The following FRYL variants were observed in gnomAD, a reference collection of about 807,000 sequenced individuals.
FRYL encodes protein furry homolog-like.
A neutral mutation model predicts 351.2 loss-of-function variants in FRYL; 150 were observed. That is an observed-to-expected ratio of 0.43 (90% CI 0.37 to 0.49). The LOEUF (loss-of-function observed/expected upper bound fraction) is 0.49. Among genes scored for constraint, FRYL ranks in the 20% least tolerant of loss-of-function variants. The probability of loss-of-function intolerance (pLI) is 0.00; values close to 1 mark genes in which losing one functional copy is unlikely to be tolerated. For synonymous variants in FRYL, 1,153 were observed against 1,257.1 expected (o/e 0.92, Z 1.75); for missense variants, 3,036 against 3,619.3 (o/e 0.84, Z 4.13).
At chr4:48,646,821 G>A (rs1210718114) in intron 3 of FRYL, among the ~76,000 whole-genome samples, 4 of 152,130 alleles carry the variant, frequency 2.6e-5, no homozygotes, top group East Asian at 1.9e-4. Flanking sequence ...GAGGTCATAC[G>A]GCATCTAATT....
intron 50 of FRYL, among the ~76,000 whole-genome samples, chr4:48,529,515 A>G (rs1207368817): frequency 2.6e-5 from 4 of 152,232 alleles, no homozygotes; most frequent in African/African-American, 9.6e-5. Flanking sequence ...GCTATTATAC[A>G]TACATCTTGC....
intron 53 of FRYL, among the ~76,000 whole-genome samples, 199 bp downstream of exon 53, chr4:48,527,278 A>C (rs1726471975): frequency 6.6e-6 from 1 of 152,216 alleles, no homozygotes. Flanking sequence ...TTTTAAAGAT[A>C]AAGATGAAAA....
intron 3 of FRYL, among the ~76,000 whole-genome samples, chr4:48,644,220 G>A (rs533210870): frequency 9.2e-5 from 14 of 152,252 alleles, no homozygotes; most frequent in Admixed American, 7.2e-4. Flanking sequence ...GGGATTACAG[G>A]CATGAGCCAC....
intron 21 of FRYL, 132 bp from the exon 22 acceptor site, chr4:48,581,083 T>G: frequency 1.7e-6 from 1 of 585,562 alleles, no homozygotes. Context: ...TCTCGCTCTG[T>G]CACCCAGGCT....
chr4:48,713,629 G>T (rs558493849), intron 1 of FRYL, among the ~76,000 whole-genome samples: 1 of 152,010 alleles, frequency 6.6e-6, no homozygotes, highest in Non-Finnish European at 1.5e-5. Context: ...AGCAAGTCCT[G>T]AGTGACCTAC....
chr4:48,545,551 G>A (rs1316152784), intron 42 of FRYL, among the ~76,000 whole-genome samples: 2 of 152,112 alleles, frequency 1.3e-5, no homozygotes, highest in East Asian at 3.8e-4. Flanking sequence ...TATGGCCTGG[G>A]CTTCATGGCC....
chr4:48,613,489 T>G (rs1435593924), intron 7 of FRYL, among the ~76,000 whole-genome samples: 1 of 152,222 alleles, frequency 6.6e-6, no homozygotes, highest in Admixed American at 6.5e-5. Flanking sequence ...CCATGCTATG[T>G]GCTCTTTGTT....
rs1384841326 is a variant in FRYL, at chr4:48,528,207, G to A, written c.7033C>T (p.Pro2345Ser). 6.2e-7 allele frequency: 1 copy of A among 1,612,940 alleles called. No individual in the cohort carries two copies. Among genetic ancestry groups the A allele is most frequent in the Admixed American group, 1.7e-5 (1 of 59,942 alleles). The change falls in exon 51 of 64, where the codon CCT becomes TCT. Residue 2345 changes from proline to serine, a missense_variant. Coordinates refer to ENST00000358350, the MANE Select transcript of FRYL (RefSeq NM_015030.2). ...SSGSNSNALV[P>S]VSWKRPQLSQ... ...AACTGTGGCCTTTTCCAACTAACAG[G>A]AACCAAGGCATTAGAATTAGAACCA... is the stretch of plus-strand genomic sequence containing the variant.
In FRYL at chr4:48,525,448, T is replaced by C. The variant is rs567636424; in HGVS notation, c.7317+2029A>G. 2.8e-4 allele frequency among the ~76,000 whole-genome samples: 42 copies of C among 152,302 alleles called. No individual in the cohort carries two copies. In the South Asian group the frequency reaches 8.5e-3, roughly 31 times the overall value. On this transcript the variant is annotated intron_variant, in intron 53 of 63. Transcript: ENST00000358350. ...ACATCCTCACATCTGCAGGGGGCAC[T>C]GAGGCATGTTGAGGAGAGGGAACTT...
intron 3 of FRYL, among the ~76,000 whole-genome samples, chr4:48,647,143 T>C (rs1756665342): frequency 6.6e-6 from 1 of 152,016 alleles, no homozygotes; most frequent in South Asian, 2.1e-4. Flanking sequence ...CAAGAATGGG[T>C]AGCCGAGATA....
At chr4:48,581,749 A>G in intron 20 of FRYL, 144 bp from the exon 21 acceptor site, 1 of 641,622 alleles carries the variant, frequency 1.6e-6, no homozygotes. Context: ...CATGTATTTT[A>G]TAAAAATGGA....
intron 1 of FRYL, among the ~76,000 whole-genome samples, chr4:48,768,532 C>CA (rs1447674713): frequency 7.2e-5 from 11 of 152,156 alleles, no homozygotes; most frequent in Non-Finnish European, 7.3e-5. Flanking sequence ...CAGCCGGCTG[C>CA]AGTAGCTCAC....
chr4:48,559,811 A>C (rs1214949223), intron 33 of FRYL, among the ~76,000 whole-genome samples: 2 of 152,152 alleles, frequency 1.3e-5, no homozygotes, highest in African/African-American at 4.8e-5. Flanking sequence ...TAGAAGAAAA[A>C]GCAGGAAATA....
intron 1 of FRYL, among the ~76,000 whole-genome samples, chr4:48,726,873 T>C (rs2149618265): frequency 6.6e-6 from 1 of 152,296 alleles, no homozygotes; most frequent in African/African-American, 2.4e-5. Flanking sequence ...GACTGATAAT[T>C]GGAGGATTCT....
chr4:48,660,579 G>T (rs6845295), intron 3 of FRYL, among the ~76,000 whole-genome samples: 4,902 of 152,266 alleles, frequency 0.032, 248 homozygotes, highest in African/African-American at 0.11. Context: ...GAGCTTCCAG[G>T]GTTGGCACCA....
At chr4:48,723,816 T>C (rs1182007644) in intron 1 of FRYL, among the ~76,000 whole-genome samples, 1 of 151,640 alleles carries the variant, frequency 6.6e-6, no homozygotes, top group Non-Finnish European at 1.5e-5. Flanking sequence ...CCAGGCATGG[T>C]AGCTCACACC....
chr4:48,610,610 A>G (rs926199606), intron 7 of FRYL, among the ~76,000 whole-genome samples: 1 of 147,970 alleles, frequency 6.8e-6, no homozygotes, highest in Admixed American at 6.8e-5. Context: ...CAATATGTAT[A>G]CCTATATACA....
rs779234649 is a variant in FRYL at position 48,510,928 on chromosome 4, A to G, written c.8202T>C (p.Asp2734=). The G allele has an allele frequency of 1.2e-6, 2 of 1,612,504 alleles. No individual in the cohort carries two copies. Among genetic ancestry groups the G allele is most frequent in the African/African-American group, 2.7e-5 (2 of 75,016 alleles). ...ITNEAVSFLG[D]SLQRIGTKFK... is the part of the protein sequence containing the mutation. Reference sequence around the variant, plus strand: ...ATTTGGTACCAATGCGTTGCAGACTATCACCAAGAAAGCTGACTGCCTCAT... The same window carrying G: ...ATTTGGTACCAATGCGTTGCAGACTGTCACCAAGAAAGCTGACTGCCTCAT... The change falls in exon 58 of 64, where the codon GAT becomes GAC. Residue 2734 remains aspartate (D), a synonymous_variant. Coordinates refer to ENST00000358350, the MANE Select transcript of FRYL (RefSeq NM_015030.2).
chr4:48,566,365 A>G (rs1736787337), intron 28 of FRYL, among the ~76,000 whole-genome samples: 1 of 152,282 alleles, frequency 6.6e-6, no homozygotes, highest in Admixed American at 6.5e-5. Flanking sequence ...CTCTACATCT[A>G]TCCTTCTTGA....
Sources: gnomAD v4.1 joint callset for allele counts (sites outside exome capture counted in the v4.1 genomes callset) on GRCh38, gnomAD v4.1.1 for gene constraint, MANE v1.5 for transcripts, NCBI Gene and HGNC (gene_info 2026-07-23, HGNC 2026-07-21) for gene names.